ZNF664: variants seen among roughly 807,000 people sequenced by gnomAD.
ZNF664 encodes zinc finger protein 664, also known as zinc finger Organ of Corti 1.
A neutral mutation model predicts 18.2 loss-of-function variants in ZNF664; 10 were observed. The observed-to-expected ratio is 0.55, with a 90% confidence interval of 0.34 to 0.93. The LOEUF (loss-of-function observed/expected upper bound fraction) is 0.93, where lower values mean the gene tolerates loss of function less well. Ranked by LOEUF, ZNF664 falls within the 40% of genes least tolerant of loss-of-function variation. ZNF664 has a pLI of 0.02. For synonymous variants in ZNF664, 119 were observed against 104.2 expected (o/e 1.14, Z -0.86); for missense variants, 193 against 319.0 (o/e 0.61, Z 3.01).
chr12:123,985,943 G>C (rs1222263290), intron 2 of ZNF664, among the ~76,000 whole-genome samples: 1 of 152,106 alleles, frequency 6.6e-6, no homozygotes, highest in African/African-American at 2.4e-5. Flanking sequence ...CTTTAATTTT[G>C]CAATTTTCTT....
At chr12:123,995,940 A>G (rs1157263977) in intron 3 of ZNF664, among the ~76,000 whole-genome samples, 1 of 152,216 alleles carries the variant, frequency 6.6e-6, no homozygotes, top group Non-Finnish European at 1.5e-5. Context: ...GGAGGATAGA[A>G]GAGCACCCTG....
chr12:123,987,710 A>T (rs1393969888), intron 2 of ZNF664, among the ~76,000 whole-genome samples: 1 of 152,200 alleles, frequency 6.6e-6, no homozygotes, highest in African/African-American at 2.4e-5. Context: ...AGCCAGTCTG[A>T]GTCAGTTATC....
intron 2 of ZNF664, among the ~76,000 whole-genome samples, chr12:123,974,750 A>T (rs1956665913): frequency 6.6e-6 from 1 of 152,230 alleles, no homozygotes; most frequent in African/African-American, 2.4e-5. Flanking sequence ...GTTGCACCGT[A>T]ACTTTCAATG....
chr12:123,986,625 T>G (rs778070617), intron 2 of ZNF664, among the ~76,000 whole-genome samples: 2 of 152,222 alleles, frequency 1.3e-5, no homozygotes, highest in Non-Finnish European at 2.9e-5. Context: ...AATCTGATTT[T>G]GTTTTGCTTT....
chr12:123,986,461 C>T (rs928821794), intron 2 of ZNF664, among the ~76,000 whole-genome samples: 10 of 152,154 alleles, frequency 6.6e-5, no homozygotes, highest in African/African-American at 2.4e-4. Context: ...CCTTTTAGCT[C>T]CTCCTTGCTT....
intron 3 of ZNF664, among the ~76,000 whole-genome samples, chr12:123,997,062 A>AATAAAGATTTTCT (rs1199208488): frequency 6.6e-6 from 1 of 152,196 alleles, no homozygotes; most frequent in Admixed American, 6.5e-5. Context: ...GGAAAGGAAA[A>AATAAAGATTTTCT]ATAAAGATTT....
At chr12:124,000,675 C>T (rs1029933207) in intron 3 of ZNF664, among the ~76,000 whole-genome samples, 1 of 152,148 alleles carries the variant, frequency 6.6e-6, no homozygotes, top group Non-Finnish European at 1.5e-5. Flanking sequence ...AGTCATTAGC[C>T]CCTCTGTCTG....
intron 3 of ZNF664, among the ~76,000 whole-genome samples, chr12:123,995,397 A>G (rs139335633): frequency 6.6e-6 from 1 of 152,348 alleles, no homozygotes; most frequent in Non-Finnish European, 1.5e-5. Flanking sequence ...TGGTAGGTCT[A>G]AGGTGGGGCT....
chr12:123,997,350 A>G (rs1304049750), intron 3 of ZNF664, among the ~76,000 whole-genome samples: 1 of 152,208 alleles, frequency 6.6e-6, no homozygotes, highest in Non-Finnish European at 1.5e-5. Flanking sequence ...ACAAAGTACC[A>G]CAAGCTGGGA....
rs1036638571 is a variant in ZNF664, at chr12:124,011,995, G to C, written c.-150G>C. 8.3e-5 allele frequency: 120 copies of C among 1,438,182 alleles called. No individual in the cohort carries two copies. The highest frequency in any genetic ancestry group is 1.1e-4 in the Non-Finnish European group (117 of 1,104,968). 89.1% of individuals were successfully genotyped at this position (1,438,182 alleles called of 1,614,324 possible). The stretch of plus-strand genomic sequence containing the variant: ...TCCGTAGAAAGACAGGCAGGGAAAA[G>C]CTTAGGCTGACCTTAAACTTACCTA... On this transcript the variant is annotated 5_prime_UTR_variant, in exon 5 of 5. Coordinates refer to ENST00000337815, the MANE Select transcript of ZNF664 (RefSeq NM_152437.3).
At chr12:123,984,011 G>T (rs1425646891) in intron 2 of ZNF664, among the ~76,000 whole-genome samples, 1 of 152,192 alleles carries the variant, frequency 6.6e-6, no homozygotes, top group Non-Finnish European at 1.5e-5. Context: ...AGTGTGAAGA[G>T]CCGAGGTTTC....
chr12:123,973,423 A>T, intron 1 of ZNF664, 71 bp downstream of exon 1: 45 of 453,180 alleles, frequency 9.9e-5, no homozygotes, highest in Non-Finnish European at 1.1e-4. Flanking sequence ...GGGGCCAGGG[A>T]GCGGGCTGGG....
chr12:123,996,873 C>A (rs1190206462), intron 3 of ZNF664, among the ~76,000 whole-genome samples: 1 of 152,086 alleles, frequency 6.6e-6, no homozygotes, highest in Non-Finnish European at 1.5e-5. Flanking sequence ...TATACAAAAC[C>A]CCCATTCACT....
chr12:123,984,963 G>T (rs1009105394), intron 2 of ZNF664, among the ~76,000 whole-genome samples: 1 of 152,086 alleles, frequency 6.6e-6, no homozygotes, highest in Non-Finnish European at 1.5e-5. Flanking sequence ...GTGAGAATGT[G>T]CAGGGAACTG....
chr12:123,980,368 A>G (rs866436550), intron 2 of ZNF664, among the ~76,000 whole-genome samples: 1 of 152,188 alleles, frequency 6.6e-6, no homozygotes, highest in Non-Finnish European at 1.5e-5. Flanking sequence ...ACCTAAAAGG[A>G]TGTGGTAAAA....
chr12:123,973,947 C>T lies in ZNF664; in HGVS notation c.-830C>T. Reference sequence around the variant, plus strand: ...CTCAGGTGATGAGGAACCCCTCGCGCACCCAGCGCAGAAGGCTGCTGCCGC... The same window carrying T: ...CTCAGGTGATGAGGAACCCCTCGCGTACCCAGCGCAGAAGGCTGCTGCCGC... On this transcript the variant is annotated 5_prime_UTR_variant, in exon 2 of 5. Coordinates refer to ENST00000337815, the MANE Select transcript of ZNF664 (RefSeq NM_152437.3). 1 of 1,231,936 alleles carries T rather than the reference C, an allele frequency of 8.1e-7. No homozygotes were observed. The highest frequency in any genetic ancestry group is 1.0e-6 in the Non-Finnish European group (1 of 988,098). 76.3% of individuals were successfully genotyped at this position (1,231,936 alleles called of 1,614,324 possible). A position where few individuals can be genotyped will look rare whatever the true frequency, so the allele number is the denominator to read the frequency against.
At chr12:124,007,845 T>C (rs1957090951) in intron 3 of ZNF664, among the ~76,000 whole-genome samples, 1 of 152,190 alleles carries the variant, frequency 6.6e-6, no homozygotes, top group African/African-American at 2.4e-5. Flanking sequence ...TTCCCTTTTT[T>C]TGTTTGTTTG....
intron 2 of ZNF664, among the ~76,000 whole-genome samples, chr12:123,978,818 C>T (rs1028295806): frequency 5.9e-5 from 9 of 152,252 alleles, no homozygotes; most frequent in East Asian, 1.9e-4. Context: ...GACAGATTGA[C>T]GCCTGGAGCA....
Position 124,015,289 on chromosome 12 carries a change from T to C in ZNF664, c.*2359T>C, listed in dbSNP as rs1344538350. On this transcript the variant is annotated 3_prime_UTR_variant, in exon 5 of 5. Coordinates refer to ENST00000337815, the MANE Select transcript of ZNF664 (RefSeq NM_152437.3). Reference sequence around the variant, plus strand: ...ATAGTTGAATTATTTTATCATGCTGTTGCTGGGGAATATGACTAACCCTTT... The same window carrying C: ...ATAGTTGAATTATTTTATCATGCTGCTGCTGGGGAATATGACTAACCCTTT... The C allele has an allele frequency of 1.2e-5, 2 of 167,102 alleles. No homozygotes were observed. Among genetic ancestry groups the C allele is most frequent in the Non-Finnish European group, 2.9e-5 (2 of 68,124 alleles). 10.4% of individuals were successfully genotyped at this position (167,102 alleles called of 1,614,324 possible). A position where few individuals can be genotyped will look rare whatever the true frequency, so the allele number is the denominator to read the frequency against.
Sources: gnomAD v4.1 joint callset for allele counts (sites outside exome capture counted in the v4.1 genomes callset) on GRCh38, gnomAD v4.1.1 for gene constraint, MANE v1.5 for transcripts, NCBI Gene and HGNC (gene_info 2026-07-23, HGNC 2026-07-21) for gene names.